Variants in SMOC1 observed in about 807,000 individuals in gnomAD.
SMOC1 encodes SPARC related modular calcium binding 1.
SMOC1 carries 22 observed loss-of-function variants against 56.3 expected under a neutral mutation model. The ratio of observed to expected loss-of-function variants is 0.39; its 90% CI spans 0.28 to 0.56. The LOEUF (loss-of-function observed/expected upper bound fraction) is 0.56, where lower values mean the gene tolerates loss of function less well. Ranked by LOEUF, SMOC1 falls within the 20% of genes least tolerant of loss-of-function variation. The probability of loss-of-function intolerance (pLI) is 0.61; values close to 1 mark genes in which losing one functional copy is unlikely to be tolerated. For missense variants in SMOC1, 509 were observed against 565.4 expected (o/e 0.90, Z 1.01); for synonymous variants, 193 against 215.0 (o/e 0.90, Z 0.89).
intron 5 of SMOC1, among the ~76,000 whole-genome samples, chr14:69,987,719 G>A (rs375869548): frequency 4.5e-4 from 69 of 152,168 alleles, no homozygotes; most frequent in East Asian, 1.7e-3. Context: ...ATCTCTCCTC[G>A]CCAGCGAATG....
chr14:69,885,306 T>C (rs1883768036), intron 1 of SMOC1: 1 of 1,116,494 alleles, frequency 9.0e-7, no homozygotes, highest in Non-Finnish European at 1.3e-6. Flanking sequence ...TTATTTTAAT[T>C]ATTTTTATGT....
chr14:69,909,122 C>T (rs764900836), intron 1 of SMOC1, among the ~76,000 whole-genome samples: 2 of 152,114 alleles, frequency 1.3e-5, no homozygotes, highest in Non-Finnish European at 2.9e-5. Context: ...ACCGAAAGAA[C>T]TCAGAAGACA....
chr14:69,904,047 T>C (rs1884342037), intron 1 of SMOC1, among the ~76,000 whole-genome samples: 1 of 152,188 alleles, frequency 6.6e-6, no homozygotes, highest in Non-Finnish European at 1.5e-5. Flanking sequence ...TGAATGCAGC[T>C]GCACTGGGGG....
chr14:69,887,246 TA>T (rs1309300162), intron 1 of SMOC1, among the ~76,000 whole-genome samples: 1 of 151,546 alleles, frequency 6.6e-6, no homozygotes, highest in Non-Finnish European at 1.5e-5. Context: ...TATAAATAAC[TA>T]AAATTAAAAA....
rs1189933735 is a variant in SMOC1 at position 69,961,294 on chromosome 14, A to G, written c.378+7762A>G. ...TGTGTATATATATATATATATATAT[A>G]TATATATATATATATATATATATAT... On this transcript the variant is annotated intron_variant, in intron 3 of 11. Transcript: ENST00000361956. Among the ~76,000 whole-genome samples, 10 of 133,526 alleles carry G rather than the reference A, an allele frequency of 7.5e-5. 2 individuals carry two copies. Among genetic ancestry groups the G allele is most frequent in the South Asian group, 4.7e-4 (2 of 4,218 alleles). 87.6% of individuals were successfully genotyped at this position (133,526 alleles called of 152,430 possible). A position where few individuals can be genotyped will look rare whatever the true frequency, so the allele number is the denominator to read the frequency against.
At chr14:70,024,546 C>T (rs1223989023) in intron 11 of SMOC1, among the ~76,000 whole-genome samples, 1 of 151,962 alleles carries the variant, frequency 6.6e-6, no homozygotes, top group Non-Finnish European at 1.5e-5. Flanking sequence ...ATGGTCTAAC[C>T]CATTACTGGA....
intron 7 of SMOC1, among the ~76,000 whole-genome samples, chr14:70,004,933 A>G (rs1885096440): frequency 6.6e-6 from 1 of 152,088 alleles, no homozygotes; most frequent in Admixed American, 6.5e-5. Flanking sequence ...CTCCATCACC[A>G]TGAGGTTCCC....
intron 1 of SMOC1, among the ~76,000 whole-genome samples, chr14:69,942,760 G>A (rs1295854300): frequency 2.6e-5 from 4 of 152,126 alleles, no homozygotes; most frequent in African/African-American, 9.7e-5. Context: ...CACTTTATGT[G>A]CACCTGCTTT....
chr14:69,992,765 A>G (rs1884610922), intron 6 of SMOC1, among the ~76,000 whole-genome samples: 1 of 152,182 alleles, frequency 6.6e-6, no homozygotes, highest in Admixed American at 6.5e-5. Flanking sequence ...GCCAAGACCC[A>G]GGAATCACAG....
At chr14:69,895,777 A>G (rs768937300) in intron 1 of SMOC1, among the ~76,000 whole-genome samples, 45 of 150,892 alleles carry the variant, frequency 3.0e-4, no homozygotes, top group Non-Finnish European at 5.0e-4. Context: ...ATCAAGGTAG[A>G]GCCTTAGGAA....
chr14:69,925,560 G>T lies in SMOC1; in HGVS notation c.100-26578G>T, dbSNP rs139459364. Among the ~76,000 whole-genome samples the T allele has an allele frequency of 1.8e-3, 277 of 152,256 alleles. 1 individual carries two copies. The highest frequency in any genetic ancestry group is 4.2e-3 in the Admixed American group (65 of 15,298). ...CCGACATTGTTTTATCCATTTATGT[G>T]TGTGCTTGTCCCGATCCCCTTAAAT... is the stretch of plus-strand genomic sequence containing the variant. On this transcript the variant is annotated intron_variant, in intron 1 of 11. Transcript: ENST00000361956.
intron 1 of SMOC1, among the ~76,000 whole-genome samples, chr14:69,900,597 A>G (rs986713603): frequency 6.6e-6 from 1 of 152,186 alleles, no homozygotes; most frequent in Non-Finnish European, 1.5e-5. Context: ...CAGAGGAGAA[A>G]ACTGAGACAC....
At chr14:69,997,440 C>G (rs141180212) in intron 7 of SMOC1, among the ~76,000 whole-genome samples, 1 of 152,272 alleles carries the variant, frequency 6.6e-6, no homozygotes, top group East Asian at 1.9e-4. Flanking sequence ...GTCAGACAAA[C>G]CTATAACCTG....
chr14:69,994,533 C>A, intron 7 of SMOC1, 53 bp downstream of exon 7: 1 of 1,447,962 alleles, frequency 6.9e-7, no homozygotes, highest in Non-Finnish European at 9.7e-7. Context: ...TTCCTTGCCC[C>A]GTGGTTCTGT....
At chr14:70,013,062 A>G (rs1885395597) in intron 9 of SMOC1, among the ~76,000 whole-genome samples, 1 of 152,146 alleles carries the variant, frequency 6.6e-6, no homozygotes, top group Non-Finnish European at 1.5e-5. Flanking sequence ...TCCCCTGTAG[A>G]TGTGAACTTT....
chr14:69,970,211 G>T (rs992311777), intron 3 of SMOC1, among the ~76,000 whole-genome samples: 2 of 152,162 alleles, frequency 1.3e-5, no homozygotes, highest in East Asian at 3.9e-4. Flanking sequence ...ATATTTACAT[G>T]ACCCCAAAGA....
chr14:70,006,410 T>C (rs1178282035), intron 7 of SMOC1, among the ~76,000 whole-genome samples: 1 of 152,214 alleles, frequency 6.6e-6, no homozygotes, highest in Non-Finnish European at 1.5e-5. Flanking sequence ...ATTTGGGTCC[T>C]CAGATATGGA....
intron 1 of SMOC1, among the ~76,000 whole-genome samples, chr14:69,898,882 C>G (rs138631886): frequency 6.6e-6 from 1 of 152,022 alleles, no homozygotes; most frequent in Admixed American, 6.5e-5. Context: ...CCAGCCATGA[C>G]GTATTGGGCA....
rs1357600717 is a variant in SMOC1 at position 69,885,771 on chromosome 14, C to G, written c.99+5994C>G. On this transcript the variant is annotated intron_variant, in intron 1 of 11. Coordinates refer to ENST00000361956, the MANE Select transcript of SMOC1 (RefSeq NM_001034852.3). ...CTCTTCTTCGGGACGTCCCCTTTGC[C>G]AGCAGCTTTCTTCTCGGCCCGGGCC... 1.9e-6 allele frequency: 3 copies of G among 1,539,402 alleles called. No individual in the cohort carries two copies. In the African/African-American group the frequency reaches 4.1e-5, roughly 21 times the overall value.
Sources: allele counts gnomAD v4.1 joint callset (sites outside exome capture counted in the v4.1 genomes callset), GRCh38; gene constraint gnomAD v4.1.1; transcripts MANE v1.5; gene names NCBI Gene and HGNC (gene_info 2026-07-23, HGNC 2026-07-21).